The following BARD1 variants were observed in gnomAD, a reference collection of about 807,000 sequenced individuals.
BARD1 encodes BRCA1 associated RING domain 1.
Under a neutral mutation model 77.0 loss-of-function variants are expected in BARD1, and 73 were observed. The ratio of observed to expected loss-of-function variants is 0.95; its 90% CI spans 0.79 to 1.15. BARD1 has a LOEUF of 1.15. Among genes scored for constraint, BARD1 ranks in the 50% most tolerant of loss-of-function variants. The probability of loss-of-function intolerance (pLI) is 0.00; values close to 1 mark genes in which losing one functional copy is unlikely to be tolerated. For synonymous variants in BARD1, 384 were observed against 338.0 expected (o/e 1.14, Z -1.49); for missense variants, 993 against 938.8 (o/e 1.06, Z -0.75).
chr2:214,730,579 G>A, intron 9 of BARD1, 71 bp from the exon 10 acceptor site: 1 of 1,257,778 alleles, frequency 8.0e-7, no homozygotes, highest in Non-Finnish European at 1.2e-6. Context: ...TTAAAATCAA[G>A]CAATTTACCT....
chr2:214,801,851 G>GT (rs200451413), intron 1 of BARD1, among the ~76,000 whole-genome samples: 3,246 of 88,284 alleles, frequency 0.037, 178 homozygotes, highest in African/African-American at 0.17. Flanking sequence ...ATATTTGGCG[G>GT]GGGGGGGGGT....
intron 2 of BARD1, among the ~76,000 whole-genome samples, chr2:214,794,585 A>AT (rs1553625233): frequency 6.6e-6 from 1 of 151,754 alleles, no homozygotes; most frequent in African/African-American, 2.4e-5. Context: ...TTTTAAATTA[A>AT]TTTTTTTAAA....
chr2:214,807,045 G>A (rs899355513), intron 1 of BARD1, among the ~76,000 whole-genome samples: 14 of 151,966 alleles, frequency 9.2e-5, no homozygotes, highest in African/African-American at 2.9e-4. Flanking sequence ...AGGAAAGAAT[G>A]GTTTTTACAT....
chr2:214,806,242 C>T (rs1696262755), intron 1 of BARD1, among the ~76,000 whole-genome samples: 1 of 152,190 alleles, frequency 6.6e-6, no homozygotes, highest in South Asian at 2.1e-4. Context: ...GATCCATGTG[C>T]AACACAAGGC....
At chr2:214,766,899 T>C (rs560731579) in intron 6 of BARD1, among the ~76,000 whole-genome samples, 1 of 152,120 alleles carries the variant, frequency 6.6e-6, no homozygotes, top group Non-Finnish European at 1.5e-5. Flanking sequence ...CGGGGGTGTG[T>C]TGTACAGATT....
rs1553628470 is a variant in BARD1, at chr2:214,809,527, G to T, written c.43C>A (p.Arg15Ser). 1 of 1,588,276 alleles carries T rather than the reference G, an allele frequency of 6.3e-7. No individual in the cohort carries two copies. The change falls in exon 1 of 11, where the codon CGC (arginine) becomes AGC (serine). Residue 15 changes from arginine to serine, a missense_variant. Arg to Ser is a moderately radical substitution (Grantham distance 110). Transcript: ENST00000260947. ...RQPRNRQPRI[R>S]SGNEPRSAPA... ...GCGGAACGAGGCTCGTTCCCGGAGCGGATCCTCGGCTGCCGGTTCCTCGGC... is the reference window on the plus strand; with the variant it reads ...GCGGAACGAGGCTCGTTCCCGGAGCTGATCCTCGGCTGCCGGTTCCTCGGC...
Position 214,731,839 on chromosome 2 carries a change from T to C in BARD1, c.1904-1331A>G, listed in dbSNP as rs548112832. On this transcript the variant is annotated intron_variant, in intron 9 of 10. Transcript: ENST00000260947. Reference sequence around the variant, plus strand: ...GTATCGGGAAAGTTGGAACAATAACTCAGGTATCCCCTTCACTGTCTAGTG... The same window carrying C: ...GTATCGGGAAAGTTGGAACAATAACCCAGGTATCCCCTTCACTGTCTAGTG... 1.8e-4 allele frequency among the ~76,000 whole-genome samples: 28 copies of C among 152,314 alleles called. 1 individual carries two copies. In the South Asian group the frequency reaches 5.6e-3, roughly 30 times the overall value.
At chr2:214,804,966 G>C (rs1362550777) in intron 1 of BARD1, among the ~76,000 whole-genome samples, 1 of 152,124 alleles carries the variant, frequency 6.6e-6, no homozygotes, top group African/African-American at 2.4e-5. Flanking sequence ...TTCGAGACCA[G>C]CCTGAGCAAC....
At chr2:214,772,144 G>C (rs1277834375) in intron 4 of BARD1, among the ~76,000 whole-genome samples, 4 of 151,764 alleles carry the variant, frequency 2.6e-5, no homozygotes, top group African/African-American at 7.3e-5. Context: ...TTTTTTTATT[G>C]TTTTGTAGAG....
At chr2:214,765,530 T>C (rs1424391698) in intron 6 of BARD1, among the ~76,000 whole-genome samples, 2 of 152,130 alleles carry the variant, frequency 1.3e-5, no homozygotes, top group Non-Finnish European at 2.9e-5. Context: ...GAGTCACAAA[T>C]AAAAGCTAGA....
chr2:214,751,019 T>C (rs1463224903), intron 7 of BARD1, among the ~76,000 whole-genome samples: 5 of 150,216 alleles, frequency 3.3e-5, no homozygotes, highest in Admixed American at 6.7e-5. Flanking sequence ...CAGCATTCTA[T>C]TAGACACTCT....
At chr2:214,766,550 G>C (rs1441911215) in intron 6 of BARD1, among the ~76,000 whole-genome samples, 3 of 152,086 alleles carry the variant, frequency 2.0e-5, no homozygotes, top group Admixed American at 2.0e-4. Flanking sequence ...AATTAAGAAA[G>C]TAAATCTCCC....
chr2:214,732,014 T>C (rs779105140), intron 9 of BARD1, among the ~76,000 whole-genome samples: 10 of 152,248 alleles, frequency 6.6e-5, no homozygotes, highest in African/African-American at 9.6e-5. Flanking sequence ...TGTTACATCC[T>C]GTTATCACTT....
rs1385746925 is a variant in BARD1 at position 214,797,075 on chromosome 2, C to G, written c.201G>C (p.Glu67Asp). ...TAATTACTTACCTACAGAAGATGTGCTCACATCCTCCTAAACACACAGGCT... is the reference window on the plus strand; with the variant it reads ...TAATTACTTACCTACAGAAGATGTGGTCACATCCTCCTAAACACACAGGCT... The part of the protein sequence containing the change: ...LREPVCLGGC[E>D]HIFCSNCVSD... Residue 67 changes from glutamate (E) to aspartate (D), a missense_variant, in exon 2 of 11, where the codon GAG becomes GAC. Coordinates refer to ENST00000260947, the MANE Select transcript of BARD1 (RefSeq NM_000465.4). 4 of 1,612,316 alleles carry G rather than the reference C, an allele frequency of 2.5e-6. No individual in the cohort carries two copies. In the Admixed American group the frequency reaches 6.7e-5, roughly 27 times the overall value.
In BARD1 at chr2:214,729,539, G is replaced by A. The variant is rs190307751; in HGVS notation, c.2002-531C>T. 1.4e-3 allele frequency among the ~76,000 whole-genome samples: 216 copies of A among 152,050 alleles called. 1 individual carries two copies. Among genetic ancestry groups the A allele is most frequent in the Non-Finnish European group, 2.4e-3 (162 of 67,978 alleles). ...TCAAGAAAAATACTTAGGCAAATAG[G>A]GGCTTCCTATTTACAATTTTTTCCC... On this transcript the variant is annotated intron_variant, in intron 10 of 10. Coordinates refer to ENST00000260947, the MANE Select transcript of BARD1 (RefSeq NM_000465.4).
intron 3 of BARD1, among the ~76,000 whole-genome samples, chr2:214,787,699 T>G (rs1838801): frequency 0.98 from 149,096 of 152,002 alleles, 73,178 homozygotes; most frequent in East Asian, 1. Flanking sequence ...AAATATTGAG[T>G]AACAGAGATG....
chr2:214,737,574 T>C (rs78513346), intron 9 of BARD1, among the ~76,000 whole-genome samples: 4,594 of 152,234 alleles, frequency 0.03, 229 homozygotes, highest in African/African-American at 0.1. Flanking sequence ...TACAAATTCA[T>C]ATCAACTTCC....
chr2:214,802,672 C>A (rs1240858241), intron 1 of BARD1, among the ~76,000 whole-genome samples: 1 of 152,168 alleles, frequency 6.6e-6, no homozygotes, highest in Admixed American at 6.5e-5. Flanking sequence ...AAATGGAAGC[C>A]TATATACAAA....
chr2:214,776,024 G>A (rs1446781194), intron 4 of BARD1, among the ~76,000 whole-genome samples: 1 of 152,072 alleles, frequency 6.6e-6, no homozygotes, highest in African/African-American at 2.4e-5. Context: ...CTCTCTCCAG[G>A]GGATCTTCAT....
Sources: allele counts gnomAD v4.1 joint callset (sites outside exome capture counted in the v4.1 genomes callset), GRCh38; gene constraint gnomAD v4.1.1; transcripts MANE v1.5; gene names NCBI Gene and HGNC (gene_info 2026-07-23, HGNC 2026-07-21).